REV3L: variants seen among roughly 807,000 people sequenced by gnomAD.
The protein encoded by REV3L is DNA polymerase zeta catalytic subunit.
A neutral mutation model predicts 299.4 loss-of-function variants in REV3L; 69 were observed. The observed-to-expected ratio is 0.23, with a 90% CI of 0.19 to 0.28. The LOEUF (loss-of-function observed/expected upper bound fraction) is 0.28. Among genes scored for constraint, REV3L ranks in the 10% least tolerant of loss-of-function variants. REV3L has a pLI of 1.00. For synonymous variants in REV3L, 1,238 were observed against 1,271.4 expected (o/e 0.97, Z 0.56); for missense variants, 3,128 against 3,693.8 (o/e 0.85, Z 3.97).
At chr6:111,425,880 G>C (rs7760535) in intron 1 of REV3L, among the ~76,000 whole-genome samples, 69,918 of 152,030 alleles carry the variant, frequency 0.46, 19,022 homozygotes, top group Non-Finnish European at 0.61. Flanking sequence ...AGAAATTCCA[G>C]AATTGAAAAG....
intron 1 of REV3L, among the ~76,000 whole-genome samples, chr6:111,433,874 C>T (rs892345205): frequency 6.6e-6 from 1 of 152,182 alleles, no homozygotes; most frequent in Non-Finnish European, 1.5e-5. Flanking sequence ...TGGAATTCAT[C>T]CCAGGGATGC....
At chr6:111,459,034 A>G (rs1790462599) in intron 1 of REV3L, among the ~76,000 whole-genome samples, 1 of 152,140 alleles carries the variant, frequency 6.6e-6, no homozygotes, top group Non-Finnish European at 1.5e-5. Flanking sequence ...TTCAAACTAC[A>G]CTACAAAGCT....
chr6:111,313,812 G>A (rs1342197324), intron 27 of REV3L, among the ~76,000 whole-genome samples: 2 of 152,104 alleles, frequency 1.3e-5, no homozygotes, highest in African/African-American at 4.8e-5. Context: ...CTGCTTCCCC[G>A]TATTTCCATA....
intron 1 of REV3L, chr6:111,430,895 G>A (rs770406162): frequency 1.2e-5 from 19 of 1,604,984 alleles, no homozygotes; most frequent in Non-Finnish European, 1.6e-5. Flanking sequence ...CCATCCTGTG[G>A]ATCTCATTGT....
At chr6:111,417,070 T>C (rs769612474) in intron 1 of REV3L, among the ~76,000 whole-genome samples, 1 of 151,614 alleles carries the variant, frequency 6.6e-6, no homozygotes, top group Non-Finnish European at 1.5e-5. Flanking sequence ...TTATCTATAA[T>C]GGATTTCAGG....
chr6:111,419,160 C>T (rs1785061216), intron 1 of REV3L, among the ~76,000 whole-genome samples: 2 of 152,192 alleles, frequency 1.3e-5, no homozygotes, highest in Non-Finnish European at 2.9e-5. Context: ...CTCCAGTGCT[C>T]CTGCAGCTAG....
At chr6:111,328,223 T>C (rs1415898757) in intron 25 of REV3L, among the ~76,000 whole-genome samples, 1 of 152,222 alleles carries the variant, frequency 6.6e-6, no homozygotes, top group African/African-American at 2.4e-5. Context: ...TACTAGTAAA[T>C]ATGGAATGAC....
chr6:111,430,851 G>A (rs1250341813), intron 1 of REV3L: 30 of 1,606,682 alleles, frequency 1.9e-5, no homozygotes, highest in Admixed American at 8.3e-5. Flanking sequence ...TTGGAAAGAA[G>A]AAAACCAGAC....
rs371049927 is a variant in REV3L at position 111,373,060 on chromosome 6, C to T, written c.5295G>A (p.Gln1765=). ...SNSIMDSFCV[Q]QAEDCLSEKS... is the part of the protein sequence containing the mutation. ...TTTCACTTAGACAGTCTTCTGCCTG[C>T]TGAACACAGAAAGAATCCATTATTG... The change falls in exon 13 of 32, where the codon CAG becomes CAA. Residue 1765 remains glutamine, a synonymous_variant. Coordinates refer to ENST00000368802, the MANE Select transcript of REV3L (RefSeq NM_001372078.1). The T allele has an allele frequency of 8.2e-4, 1,320 of 1,614,140 alleles. 23 individuals are homozygous for T. The South Asian group carries it at 0.013, about 16-fold the overall frequency.
chr6:111,300,555 A>G (rs1265192118), intron 31 of REV3L, among the ~76,000 whole-genome samples: 1 of 152,226 alleles, frequency 6.6e-6, no homozygotes, highest in African/African-American at 2.4e-5. Context: ...TTCGTATTCC[A>G]GAAGAGAAAA....
chr6:111,423,149 C>T (rs1209517323), intron 1 of REV3L, among the ~76,000 whole-genome samples: 1 of 152,112 alleles, frequency 6.6e-6, no homozygotes, highest in African/African-American at 2.4e-5. Flanking sequence ...ATAACACAGC[C>T]ACTAACTTCA....
At chr6:111,470,997 AAAAT>A in intron 1 of REV3L, among the ~76,000 whole-genome samples, 1 of 152,262 alleles carries the variant, frequency 6.6e-6, no homozygotes, top group East Asian at 1.9e-4. Context: ...TAAATAAATA[AAAAT>A]AAATAAGTAA....
At chr6:111,434,253 C>A (rs1787276553) in intron 1 of REV3L, among the ~76,000 whole-genome samples, 1 of 152,056 alleles carries the variant, frequency 6.6e-6, no homozygotes, top group South Asian at 2.1e-4. Context: ...GTCAAATTAG[C>A]CTTGCTTGCA....
chr6:111,455,438 A>G (rs1043291295), intron 1 of REV3L, among the ~76,000 whole-genome samples: 6 of 152,244 alleles, frequency 3.9e-5, no homozygotes, highest in African/African-American at 1.4e-4. Context: ...AGGGAGAAGC[A>G]GAAGATGATG....
chr6:111,423,982 A>G (rs1259666007), intron 1 of REV3L, among the ~76,000 whole-genome samples: 1 of 152,234 alleles, frequency 6.6e-6, no homozygotes, highest in Non-Finnish European at 1.5e-5. Flanking sequence ...ATGGAGCTTA[A>G]GAAAGAGATC....
Position 111,300,141 on chromosome 6 carries a change from T to C in REV3L, c.9268A>G (p.Thr3090Ala). 6.2e-7 allele frequency: 1 copy of C among 1,603,552 alleles called. No individual in the cohort carries two copies. Among genetic ancestry groups the C allele is most frequent in the South Asian group, 1.1e-5 (1 of 88,680 alleles). The change falls in exon 32 of 32, where the codon ACA becomes GCA. Residue 3090 changes from threonine to alanine, a missense_variant. Around this residue, in one of 9 missense-constraint regions of REV3L, gnomAD observed 294 missense variants for 377.0 expected, o/e 0.78. Transcript: ENST00000368802. ...GGGATGTGTCGATCAAAGCAACCTG[T>C]ACAGTTCTTGCATATCTGAAAGCAT... is the stretch of plus-strand genomic sequence containing the variant. ...EQLVKICKNC[T>A]GCFDRHIPCV...
chr6:111,388,743 T>TTAAA (rs1388531321), intron 7 of REV3L, among the ~76,000 whole-genome samples: 1 of 152,208 alleles, frequency 6.6e-6, no homozygotes, highest in African/African-American at 2.4e-5. Context: ...GCTTAATGTA[T>TTAAA]TAAACAGTGT....
At chr6:111,412,050 A>G (rs1384486448) in intron 2 of REV3L, 3 of 985,062 alleles carry the variant, frequency 3.0e-6, no homozygotes, top group East Asian at 1.1e-4. Flanking sequence ...CAACACTTAC[A>G]TTACTTTCCT....
At chr6:111,362,636 T>C (rs1778810376) in intron 16 of REV3L, among the ~76,000 whole-genome samples, 1 of 152,324 alleles carries the variant, frequency 6.6e-6, no homozygotes, top group African/African-American at 2.4e-5. Flanking sequence ...ATGTAATCAA[T>C]ATTAAAATTA....
Sources: gnomAD v4.1 joint callset for allele counts (sites outside exome capture counted in the v4.1 genomes callset) on GRCh38, gnomAD v4.1.1 for gene constraint, gnomAD v4.1.1 regional missense constraint, MANE v1.5 for transcripts, NCBI Gene and HGNC (gene_info 2026-07-23, HGNC 2026-07-21) for gene names.